The following FABP3 variants were observed in gnomAD, a reference collection of about 807,000 sequenced individuals.
FABP3 encodes fatty acid binding protein 3, also known as fatty acid-binding protein, heart.
In FABP3, 8 loss-of-function variants were observed where a neutral mutation model predicts 13.4. The observed-to-expected ratio is 0.60, with a 90% confidence interval of 0.35 to 1.07. The LOEUF (loss-of-function observed/expected upper bound fraction) is 1.07. FABP3 is among the 50% of genes least tolerant of loss of function. FABP3 has a pLI of 0.02. For missense variants in FABP3, 135 were observed against 164.7 expected, an observed-to-expected ratio of 0.82 and a Z score of 0.99; for synonymous variants, 64 against 60.0, an observed-to-expected ratio of 1.07 and a Z score of -0.31.
rs1046653900 is a variant in FABP3, at chr1:31,367,385, C to T, written c.348+8G>A. 1.4e-5 allele frequency: 23 copies of T among 1,611,326 alleles called. No individual in the cohort carries two copies. The highest frequency in any genetic ancestry group is 2.0e-5 in the Non-Finnish European group (23 of 1,177,448). ...AATCAGATATAGCTCCAAAGTTGCC[C>T]ATCTTACCAGGATGAGTTTTCCATC... is the stretch of plus-strand genomic sequence containing the variant. On this transcript the variant is annotated splice_region_variant and intron_variant, in intron 3 of 3. Coordinates refer to ENST00000373713, the MANE Select transcript of FABP3 (RefSeq NM_004102.5).
At chr1:31,361,595 T>G (rs1250258990), downstream of FABP3, among the ~76,000 whole-genome samples, 1 of 152,198 alleles carries the variant, frequency 6.6e-6, no homozygotes, top group Non-Finnish European at 1.5e-5. Flanking sequence ...CCATGAGGCC[T>G]CCTGTTACCA....
At chr1:31,360,694 T>C (rs528134708), downstream of FABP3, among the ~76,000 whole-genome samples, 1 of 152,202 alleles carries the variant, frequency 6.6e-6, no homozygotes, top group South Asian at 2.1e-4. Context: ...TGTTTTTATC[T>C]TCCCTCCTCC....
Position 31,368,400 on chromosome 1 carries a change from G to A in FABP3, c.247-906C>T, listed in dbSNP as rs115033397. 7.3e-3 allele frequency among the ~76,000 whole-genome samples: 1,108 copies of A among 152,286 alleles called. 13 individuals are homozygous for A. Among genetic ancestry groups the A allele is most frequent in the African/African-American group, 0.025 (1,035 of 41,546 alleles). On this transcript the variant is annotated intron_variant, in intron 2 of 3. Coordinates refer to ENST00000373713, the MANE Select transcript of FABP3 (RefSeq NM_004102.5). ...CCTAGGCATTCCACAGGGCTATTGT[G>A]TTTAATTGGGGTTCTTGCCCCTTGA...
chr1:31,369,781 A>G (rs1640175782), intron 1 of FABP3, among the ~76,000 whole-genome samples: 1 of 152,218 alleles, frequency 6.6e-6, no homozygotes, highest in Non-Finnish European at 1.5e-5. Context: ...CAGCAGTGCC[A>G]TAGCAAGTCA....
chr1:31,359,983 C>CTTTTTT, the FABP3 span, among the ~76,000 whole-genome samples: 1 of 145,282 alleles, frequency 6.9e-6, no homozygotes, highest in African/African-American at 2.5e-5. Flanking sequence ...GAACTACAAC[C>CTTTTTT]TTTTTTTTTT....
At chr1:31,363,889 C>G (rs2148491018), downstream of FABP3, 5 of 1,341,528 alleles carry the variant, frequency 3.7e-6, no homozygotes, top group East Asian at 1.3e-4. Flanking sequence ...TCTTGAACTC[C>G]TGGCCTCAAG....
intron 1 of FABP3, among the ~76,000 whole-genome samples, chr1:31,371,767 G>A (rs563709761): frequency 6.6e-6 from 1 of 152,346 alleles, no homozygotes; most frequent in Non-Finnish European, 1.5e-5. Context: ...CTCTAAGAAT[G>A]ACTGCCTGCC....
At chr1:31,363,473 G>A (rs538429222), downstream of FABP3, among the ~76,000 whole-genome samples, 14 of 150,824 alleles carry the variant, frequency 9.3e-5, no homozygotes, top group East Asian at 1.0e-3. Flanking sequence ...GTGAGCCACC[G>A]CACCTGGCCA....
At chr1:31,371,715 C>T (rs1389677183) in intron 1 of FABP3, among the ~76,000 whole-genome samples, 4 of 152,182 alleles carry the variant, frequency 2.6e-5, no homozygotes, top group African/African-American at 9.7e-5. Context: ...TCCAACTTCC[C>T]AATAGCTGCT....
chr1:31,361,367 G>A (rs1639887069), downstream of FABP3, among the ~76,000 whole-genome samples: 1 of 152,176 alleles, frequency 6.6e-6, no homozygotes, highest in South Asian at 2.1e-4. Context: ...CCCACTAAGT[G>A]CCTATAATGT....
At chr1:31,368,212 A>G (rs1640145459) in intron 2 of FABP3, among the ~76,000 whole-genome samples, 1 of 152,208 alleles carries the variant, frequency 6.6e-6, no homozygotes, top group Non-Finnish European at 1.5e-5. Context: ...AGGGATCCTG[A>G]TGAGCAAGGT....
chr1:31,370,150 A>C (rs1640182004), intron 1 of FABP3, among the ~76,000 whole-genome samples: 1 of 149,908 alleles, frequency 6.7e-6, no homozygotes, highest in South Asian at 2.1e-4. Flanking sequence ...CTTTTTGTGT[A>C]GTAAGAACTG....
At chr1:31,360,405 G>A (rs76952508), downstream of FABP3, among the ~76,000 whole-genome samples, 1 of 152,210 alleles carries the variant, frequency 6.6e-6, no homozygotes, top group African/African-American at 2.4e-5. Context: ...CTGACCTCAG[G>A]TGATCCACCC....
intron 1 of FABP3, among the ~76,000 whole-genome samples, chr1:31,372,435 A>G (rs555106329): frequency 6.6e-6 from 1 of 152,270 alleles, no homozygotes; most frequent in East Asian, 1.9e-4. Context: ...TGCTTACTGC[A>G]GGTTCCTGTC....
chr1:31,363,930 T>A, downstream of FABP3: 1 of 1,481,306 alleles, frequency 6.8e-7, no homozygotes, highest in Non-Finnish European at 9.0e-7. Flanking sequence ...CCCAAAGTAC[T>A]AGGATTACAG....
rs770350802 is a variant in FABP3 at position 31,369,555 on chromosome 1, C to T, written c.76G>A (p.Val26Met). The stretch of plus-strand genomic sequence containing the variant: ...GCCACCTGCCTGGTAGCAAAACCCA[C>T]ACCTGAGGGTAGGGGGAAGGTTATG... Reference protein sequence around the residue: ...NFDDYMKSLGVGFATRQVASM... With the variant: ...NFDDYMKSLGMGFATRQVASM... The change falls in exon 2 of 4, where the codon GTG (valine) becomes ATG (methionine). Residue 26 changes from valine (V) to methionine (M), a missense_variant and splice_region_variant. Transcript: ENST00000373713. 6.8e-6 allele frequency: 11 copies of T among 1,613,902 alleles called. No homozygotes were observed. Among genetic ancestry groups the T allele is most frequent in the African/African-American group, 5.3e-5 (4 of 74,918 alleles).
At chr1:31,369,111 G>A in intron 2 of FABP3, 2 of 409,232 alleles carry the variant, frequency 4.9e-6, no homozygotes, top group South Asian at 1.0e-4. Context: ...TAGATACTGA[G>A]GTCAGAAGAA....
At position 31,365,908 on chromosome 1, in the gene FABP3, C is replaced by T. The variant is rs1362396329; in HGVS notation, c.380G>A (p.Arg127His). The change falls in exon 4 of 4, where the codon CGC becomes CAC. Residue 127 changes from arginine (R) to histidine (H), a missense_variant. By Grantham distance (29) the Arg-to-His change is conservative (BLOSUM62 0). Transcript: ENST00000373713. ...AGGTCATGCCTCTTTCTCATAAGTG[C>T]GAGTGCAAACTGCAGTGCCGTGGGT... ...TLTHGTAVCT[R>H]TYEKEA The T allele has an allele frequency of 7.4e-6, 12 of 1,613,696 alleles. No homozygotes were observed. The Admixed American group carries it at 8.3e-5, about 11-fold the overall frequency.
downstream of FABP3, chr1:31,363,962 C>T (rs1640031036): frequency 6.4e-7 from 1 of 1,564,162 alleles, no homozygotes; most frequent in African/African-American, 1.4e-5. Context: ...TGCACCTGGC[C>T]AATTATGTGC....
Sources: allele counts gnomAD v4.1 joint callset (sites outside exome capture counted in the v4.1 genomes callset), GRCh38; gene constraint gnomAD v4.1.1; transcripts MANE v1.5; gene names NCBI Gene and HGNC (gene_info 2026-07-23, HGNC 2026-07-21).